The following GSG1L variants were observed in gnomAD, a reference collection of about 807,000 sequenced individuals.
The protein encoded by GSG1L is GSG1 like, also known as germ cell-specific gene 1-like protein.
A neutral mutation model predicts 42.1 loss-of-function variants in GSG1L; 24 were observed. The observed-to-expected ratio is 0.57, with a 90% CI of 0.41 to 0.80. The LOEUF (loss-of-function observed/expected upper bound fraction) is 0.80. GSG1L is among the 30% of genes least tolerant of loss of function. The pLI is 0.00. For missense variants in GSG1L, 445 were observed against 472.2 expected, an observed-to-expected ratio of 0.94 and a Z score of 0.53; for synonymous variants, 215 against 203.5, an observed-to-expected ratio of 1.06 and a Z score of -0.48.
chr16:27,847,546 C>T (rs2083457347), intron 3 of GSG1L, among the ~76,000 whole-genome samples: 1 of 152,208 alleles, frequency 6.6e-6, no homozygotes, highest in Non-Finnish European at 1.5e-5. Context: ...CAGAGGAAAG[C>T]AGAGCCAGGA....
chr16:27,979,686 A>AG (rs2085296333), intron 1 of GSG1L, among the ~76,000 whole-genome samples: 1 of 40,070 alleles, frequency 2.5e-5, no homozygotes, highest in Non-Finnish European at 4.7e-5. Flanking sequence ...AGAGAAAGAA[A>AG]GAAGGAAGGA....
Position 27,884,041 on chromosome 16 carries a change from C to A in GSG1L, c.550+445G>T, listed in dbSNP as rs538306323. Among the ~76,000 whole-genome samples the A allele has an allele frequency of 3.3e-5, 5 of 152,326 alleles. No individual in the cohort carries two copies. The South Asian group carries it at 1.0e-3, about 32-fold the overall frequency. On this transcript the variant is annotated intron_variant, in intron 3 of 6. Coordinates refer to ENST00000447459, the MANE Select transcript of GSG1L (RefSeq NM_001109763.2). This position sits in a 1 kb window ranked among gnomAD's most constrained non-coding sequence, Gnocchi z 4.4. ...CGTGGAGTTCTCAAAGCCAGATGAG[C>A]TCAGGAAGAGGAGCGACGTGCCCTC...
intron 1 of GSG1L, among the ~76,000 whole-genome samples, chr16:28,051,374 A>C (rs750855961): frequency 4.6e-5 from 7 of 152,208 alleles, no homozygotes; most frequent in Non-Finnish European, 8.8e-5. Context: ...CTCCCTGCAG[A>C]GACTTGCATT....
chr16:28,039,637 GCA>G (rs774906886), intron 1 of GSG1L, among the ~76,000 whole-genome samples: 30 of 150,552 alleles, frequency 2.0e-4, no homozygotes, highest in East Asian at 9.8e-4. Context: ...GTACGTGCGT[GCA>G]CACACATGCA....
chr16:28,031,068 GATTGGTATGGGCT>G, intron 1 of GSG1L, among the ~76,000 whole-genome samples: 1 of 148,414 alleles, frequency 6.7e-6, no homozygotes, highest in East Asian at 2.1e-4. Context: ...GGATGGGATG[GATTGGTATGGGCT>G]GAGTTGGGAT....
intron 3 of GSG1L, among the ~76,000 whole-genome samples, chr16:27,864,240 GC>G (rs548229837): frequency 1.3e-5 from 2 of 152,216 alleles, no homozygotes; most frequent in Non-Finnish European, 2.9e-5. Context: ...GTTTTGATTG[GC>G]CGGGCTTTGG....
At chr16:27,873,955 A>G (rs1166199974) in intron 3 of GSG1L, among the ~76,000 whole-genome samples, 1 of 152,180 alleles carries the variant, frequency 6.6e-6, no homozygotes, top group East Asian at 1.9e-4. Flanking sequence ...TTAGTCCCCA[A>G]ACAGGGAAGA....
intron 1 of GSG1L, among the ~76,000 whole-genome samples, chr16:28,000,281 A>G (rs1256309661): frequency 6.6e-6 from 1 of 152,226 alleles, no homozygotes; most frequent in African/African-American, 2.4e-5. Context: ...CAGCCTGGGC[A>G]ACATAGTGAG....
At chr16:28,048,415 C>A (rs1596731226) in intron 1 of GSG1L, among the ~76,000 whole-genome samples, 1 of 151,950 alleles carries the variant, frequency 6.6e-6, no homozygotes, top group African/African-American at 2.4e-5. Context: ...AAAAATTAAG[C>A]AAATAAGACA....
At chr16:27,969,962 T>A (rs368989604) in intron 1 of GSG1L, among the ~76,000 whole-genome samples, 10 of 152,376 alleles carry the variant, frequency 6.6e-5, no homozygotes, top group African/African-American at 2.4e-4. Flanking sequence ...TGACTAATGA[T>A]GTTGAGCATC....
At chr16:27,840,461 G>A (rs1445615851) in intron 4 of GSG1L, among the ~76,000 whole-genome samples, 1 of 152,114 alleles carries the variant, frequency 6.6e-6, no homozygotes, top group African/African-American at 2.4e-5. Flanking sequence ...CGCCCATCAG[G>A]GTCCTGACCT....
At chr16:27,844,091 G>C (rs1415584980) in intron 4 of GSG1L, among the ~76,000 whole-genome samples, 3 of 152,182 alleles carry the variant, frequency 2.0e-5, no homozygotes, top group African/African-American at 7.2e-5. Context: ...GTGTCCTGAA[G>C]TCCACACCAT....
chr16:27,946,587 G>A (rs201336385), intron 2 of GSG1L, among the ~76,000 whole-genome samples: 967 of 22,034 alleles, frequency 0.044, 2 homozygotes, highest in South Asian at 0.071. Context: ...GAAAGAGAGA[G>A]AGAGAGAGAG....
intron 2 of GSG1L, among the ~76,000 whole-genome samples, chr16:27,924,487 G>GT (rs35320175): frequency 3.3e-5 from 5 of 151,876 alleles, no homozygotes; most frequent in East Asian, 1.9e-4. Context: ...TGTGTGTTGA[G>GT]TTTTTTTTGG....
chr16:28,030,112 T>C (rs1408043267), intron 1 of GSG1L, among the ~76,000 whole-genome samples: 3 of 152,176 alleles, frequency 2.0e-5, no homozygotes, highest in East Asian at 3.9e-4. Flanking sequence ...TGAAGAAAGA[T>C]AGAGAGGATG....
At chr16:27,964,147 T>C (rs998183742) in intron 1 of GSG1L, among the ~76,000 whole-genome samples, 1 of 151,952 alleles carries the variant, frequency 6.6e-6, no homozygotes, top group South Asian at 2.1e-4. Flanking sequence ...CTGGCAAACA[T>C]GGTGAAACCC....
chr16:27,793,875 T>G (rs1261371989), intron 6 of GSG1L, among the ~76,000 whole-genome samples: 2 of 152,216 alleles, frequency 1.3e-5, no homozygotes, highest in Non-Finnish European at 2.9e-5. Context: ...TCCCAGGCCT[T>G]GTGCTGTAGA....
At chr16:27,903,524 G>A (rs767767667) in intron 2 of GSG1L, among the ~76,000 whole-genome samples, 2 of 152,198 alleles carry the variant, frequency 1.3e-5, no homozygotes, top group Non-Finnish European at 2.9e-5. Context: ...CCACAAGGAC[G>A]AGTACTAAAG....
chr16:28,058,563 A>C (rs933026208), intron 1 of GSG1L, among the ~76,000 whole-genome samples: 1 of 149,992 alleles, frequency 6.7e-6, no homozygotes, highest in African/African-American at 2.5e-5. Context: ...AGGAGGTGGA[A>C]GCTGTAGTAA....
Sources: allele counts gnomAD v4.1 joint callset (sites outside exome capture counted in the v4.1 genomes callset), GRCh38; gene constraint gnomAD v4.1.1; non-coding constraint Gnocchi (gnomAD v3.1); transcripts MANE v1.5; gene names NCBI Gene and HGNC (gene_info 2026-07-23, HGNC 2026-07-21).